The following RNF6 variants were observed in gnomAD, a reference collection of about 807,000 sequenced individuals.
RNF6 encodes E3 ubiquitin-protein ligase RNF6.
A neutral mutation model predicts 50.1 loss-of-function variants in RNF6; 21 were observed. That is an observed-to-expected ratio of 0.42 (90% CI 0.30 to 0.60). The LOEUF (loss-of-function observed/expected upper bound fraction) is 0.60. Among genes scored for constraint, RNF6 ranks in the 20% least tolerant of loss-of-function variants. RNF6 has a pLI of 0.20. For missense variants in RNF6, 698 were observed against 838.2 expected (o/e 0.83, Z 2.07); for synonymous variants, 255 against 291.8 (o/e 0.87, Z 1.29).
chr13:26,184,020 T>A (rs28567000), intron 5 of RNF6, among the ~76,000 whole-genome samples: 47 of 20,362 alleles, frequency 2.3e-3, no homozygotes, highest in African/African-American at 7.1e-3. Flanking sequence ...ATATATATAT[T>A]TTTTTTTTTT....
intron 4 of RNF6, among the ~76,000 whole-genome samples, chr13:26,215,997 TTG>T (rs1869835957): frequency 6.6e-6 from 1 of 152,232 alleles, no homozygotes; most frequent in Non-Finnish European, 1.5e-5. Context: ...TGTCCTGTAT[TTG>T]TGGAATCTTT....
At chr13:26,211,619 G>A (rs111718552), downstream of RNF6, among the ~76,000 whole-genome samples, 1,789 of 152,198 alleles carry the variant, frequency 0.012, 51 homozygotes, top group African/African-American at 0.041. Context: ...TTCGCCGGGC[G>A]TGGTGGCGCA....
chr13:26,182,269 T>C (rs546952868), intron 5 of RNF6, among the ~76,000 whole-genome samples: 43 of 152,324 alleles, frequency 2.8e-4, no homozygotes, highest in Non-Finnish European at 5.6e-4. Flanking sequence ...TTTATTCTTA[T>C]TTCTAGACAT....
At chr13:26,193,069 GT>G (rs1248854980) in intron 5 of RNF6, among the ~76,000 whole-genome samples, 5 of 152,186 alleles carry the variant, frequency 3.3e-5, no homozygotes, top group Non-Finnish European at 4.4e-5. Flanking sequence ...AGTTTGAGCT[GT>G]GGCGAGATCA....
intron 5 of RNF6, among the ~76,000 whole-genome samples, chr13:26,139,738 A>G (rs1262366148): frequency 6.6e-6 from 1 of 152,198 alleles, no homozygotes; most frequent in Non-Finnish European, 1.5e-5. Context: ...AAGTTTTATT[A>G]TATTCTTTAT....
intron 5 of RNF6, among the ~76,000 whole-genome samples, chr13:26,171,764 C>T (rs867249278): frequency 6.6e-6 from 1 of 152,236 alleles, no homozygotes; most frequent in South Asian, 2.1e-4. Context: ...AACTTCAAGA[C>T]GTTATGCTTG....
At chr13:26,163,983 G>A (rs1377750602) in intron 5 of RNF6, among the ~76,000 whole-genome samples, 4 of 152,146 alleles carry the variant, frequency 2.6e-5, no homozygotes, top group Non-Finnish European at 5.9e-5. Flanking sequence ...TATGAAAAGA[G>A]CTATAGTAGC....
intron 5 of RNF6, among the ~76,000 whole-genome samples, chr13:26,142,976 A>G (rs980492913): frequency 2.6e-5 from 4 of 152,182 alleles, no homozygotes; most frequent in African/African-American, 7.2e-5. Context: ...AAACATATTC[A>G]TAACAAAGTA....
chr13:26,146,787 T>A (rs1359476604), intron 5 of RNF6, among the ~76,000 whole-genome samples: 1 of 152,206 alleles, frequency 6.6e-6, no homozygotes, highest in African/African-American at 2.4e-5. Context: ...GGACCTGATA[T>A]GGTTTGGCTC....
intron 5 of RNF6, among the ~76,000 whole-genome samples, chr13:26,186,216 C>T (rs1873515089): frequency 6.6e-6 from 1 of 152,252 alleles, no homozygotes; most frequent in African/African-American, 2.4e-5. Flanking sequence ...AGTTCAAAAA[C>T]AGATCTTAAA....
At chr13:26,175,169 C>T (rs556396217) in intron 5 of RNF6, among the ~76,000 whole-genome samples, 1 of 152,164 alleles carries the variant, frequency 6.6e-6, no homozygotes, top group Non-Finnish European at 1.5e-5. Flanking sequence ...CAACCTCCAC[C>T]TCCCAGGTTC....
intron 5 of RNF6, among the ~76,000 whole-genome samples, chr13:26,189,599 G>C (rs1480102783): frequency 2.0e-5 from 3 of 152,126 alleles, no homozygotes; most frequent in Non-Finnish European, 2.9e-5. Context: ...TTTGCTTCAG[G>C]CTTCCTTTTA....
At chr13:26,181,227 G>A (rs1873224927) in intron 5 of RNF6, among the ~76,000 whole-genome samples, 1 of 152,112 alleles carries the variant, frequency 6.6e-6, no homozygotes. Context: ...TTAGAGTCGG[G>A]GGCTCTGCCT....
chr13:26,208,162 T>G (rs1566434218), downstream of RNF6, among the ~76,000 whole-genome samples: 1 of 152,232 alleles, frequency 6.6e-6, no homozygotes, highest in Non-Finnish European at 1.5e-5. Flanking sequence ...TTTGCAAGGT[T>G]GGCTCTTAGC....
chr13:26,161,811 C>A lies in RNF6; in HGVS notation n.769-29360G>T, dbSNP rs1018396824. Reference sequence around the variant, plus strand: ...AGGTTCACCTCAACGCACTCTTCCCCCTTTGCCCTGCCTAGCAGAAAATCC... The same window carrying A: ...AGGTTCACCTCAACGCACTCTTCCCACTTTGCCCTGCCTAGCAGAAAATCC... On this transcript the variant is annotated intron_variant and non_coding_transcript_variant, in intron 5 of 5. Coordinates refer to the RNF6 transcript ENST00000468480. 5.9e-3 allele frequency among the ~76,000 whole-genome samples: 892 copies of A among 152,284 alleles called. 4 individuals are homozygous for A. Among genetic ancestry groups the A allele is most frequent in the African/African-American group, 0.02 (840 of 41,562 alleles).
chr13:26,211,713 G>A (rs74417622), downstream of RNF6, among the ~76,000 whole-genome samples: 3 of 151,894 alleles, frequency 2.0e-5, no homozygotes, highest in South Asian at 6.2e-4. Context: ...AGCCGAGATA[G>A]TGCCACTGCA....
intron 5 of RNF6, among the ~76,000 whole-genome samples, chr13:26,160,369 G>A (rs1168912149): frequency 2.6e-5 from 4 of 151,782 alleles, no homozygotes; most frequent in South Asian, 4.2e-4. Flanking sequence ...TTTATTAAAA[G>A]TTCTCTATTT....
At chr13:26,134,502 T>A (rs1870550194) in intron 5 of RNF6, among the ~76,000 whole-genome samples, 1 of 152,166 alleles carries the variant, frequency 6.6e-6, no homozygotes, top group Non-Finnish European at 1.5e-5. Context: ...TTTTTTGAGT[T>A]TTTTTGTCAG....
rs758534703 is a variant in RNF6, at chr13:26,215,634, C to T, written c.290-42G>A. On this transcript the variant is annotated intron_variant, in intron 4 of 4. Coordinates refer to ENST00000381588, the MANE Select transcript of RNF6 (RefSeq NM_005977.4). Reference sequence around the variant, plus strand: ...ATCAACTTAAGATCAATTCCTAAGACACACCTTACAGCTTTATTGAAAACT... The same window carrying T: ...ATCAACTTAAGATCAATTCCTAAGATACACCTTACAGCTTTATTGAAAACT... The T allele has an allele frequency of 4.7e-6, 7 of 1,486,964 alleles. No individual in the cohort carries two copies. In the East Asian group the frequency reaches 1.6e-4, roughly 34 times the overall value. 92.1% of individuals were successfully genotyped at this position (1,486,964 alleles called of 1,614,324 possible).
Sources: allele counts gnomAD v4.1 joint callset (sites outside exome capture counted in the v4.1 genomes callset), GRCh38; gene constraint gnomAD v4.1.1; transcripts MANE v1.5; gene names NCBI Gene and HGNC (gene_info 2026-07-23, HGNC 2026-07-21).